Variants in ZNF283 observed in about 807,000 individuals in gnomAD.
ZNF283 encodes the protein zinc finger protein 41.
ZNF283 carries 10 observed loss-of-function variants against 9.2 expected under a neutral mutation model. The observed-to-expected ratio is 1.09, with a 90% CI of 0.67 to 1.85. The LOEUF is 1.85. ZNF283 is among the 40% of genes most tolerant of loss of function. The pLI, the probability that ZNF283 is intolerant of heterozygous loss-of-function variation, is 0.00. For synonymous variants in ZNF283, 234 were observed against 244.1 expected (o/e 0.96, Z 0.38); for missense variants, 631 against 760.1 (o/e 0.83, Z 2.00).
At chr19:43,833,126 C>T (rs141151402) in intron 3 of ZNF283, among the ~76,000 whole-genome samples, 268 of 151,694 alleles carry the variant, frequency 1.8e-3, no homozygotes, top group Non-Finnish European at 3.2e-3. Context: ...ATGGTAGACA[C>T]TGTTCTCACC....
intron 2 of ZNF283, 125 bp downstream of exon 2, chr19:43,828,406 C>T (rs970229297): frequency 3.3e-5 from 5 of 152,130 alleles, no homozygotes; most frequent in East Asian, 1.9e-4. Flanking sequence ...TTACATGACC[C>T]GCCATGCTGG....
chr19:43,845,270 C>A (rs966047892), intron 6 of ZNF283, among the ~76,000 whole-genome samples: 1 of 152,062 alleles, frequency 6.6e-6, no homozygotes, highest in Admixed American at 6.6e-5. Flanking sequence ...GTCAAAGAAA[C>A]CTGATTGTTT....
At chr19:43,835,948 C>T (rs1970961267) in intron 5 of ZNF283, among the ~76,000 whole-genome samples, 2 of 152,170 alleles carry the variant, frequency 1.3e-5, no homozygotes, top group African/African-American at 4.8e-5. Context: ...ACATTTGTGT[C>T]ATGTGCAATA....
At chr19:43,833,174 G>C (rs1320117686) in intron 3 of ZNF283, among the ~76,000 whole-genome samples, 2 of 152,006 alleles carry the variant, frequency 1.3e-5, no homozygotes, top group East Asian at 3.9e-4. Context: ...TTGAGAAATG[G>C]ATAACTATCA....
chr19:43,828,780 C>G (rs1486942903), intron 2 of ZNF283, among the ~76,000 whole-genome samples: 1 of 152,118 alleles, frequency 6.6e-6, no homozygotes, highest in Non-Finnish European at 1.5e-5. Context: ...CTTGGCGTCC[C>G]AAAGTGCTGG....
chr19:43,846,908 TA>T, intron 6 of ZNF283, 30 bp from the exon 7 acceptor site: 1 of 1,220,444 alleles, frequency 8.2e-7, no homozygotes, highest in Non-Finnish European at 1.1e-6. Context: ...GTGAAGGAAA[TA>T]AAATGTGTGG....
intron 3 of ZNF283, among the ~76,000 whole-genome samples, chr19:43,831,768 C>T (rs1970719861): frequency 6.6e-6 from 1 of 152,154 alleles, no homozygotes; most frequent in Non-Finnish European, 1.5e-5. Context: ...GCTGGGACCA[C>T]AGGTGTGTGC....
chr19:43,834,736 C>T (rs1970885274), intron 4 of ZNF283, among the ~76,000 whole-genome samples: 1 of 152,004 alleles, frequency 6.6e-6, no homozygotes, highest in South Asian at 2.1e-4. Context: ...GCTGGGACTA[C>T]AGGCGCCTGC....
Position 43,838,500 on chromosome 19 carries a change from G to A in ZNF283, c.337+1321G>A, listed in dbSNP as rs552221547. On this transcript the variant is annotated intron_variant, in intron 6 of 6. Coordinates refer to ENST00000618787, the MANE Select transcript of ZNF283 (RefSeq NM_181845.2). Reference sequence around the variant, plus strand: ...AATATTTGCTGGGCTGTGGTGGTGCGCTCCTTTAGTCCCAGCAACTGGGGA... The same window carrying A: ...AATATTTGCTGGGCTGTGGTGGTGCACTCCTTTAGTCCCAGCAACTGGGGA... Among the ~76,000 whole-genome samples, 9 of 151,958 alleles carry A rather than the reference G, an allele frequency of 5.9e-5. No individual in the cohort carries two copies. In the South Asian group the frequency reaches 6.2e-4, roughly 11 times the overall value.
In ZNF283 at chr19:43,848,667, T is replaced by C. The variant is rs201138583; in HGVS notation, c.*26T>C. 6.6e-7 allele frequency: 1 copy of C among 1,520,714 alleles called. No homozygotes were observed. Among genetic ancestry groups the C allele is most frequent in the East Asian group, 2.3e-5 (1 of 44,092 alleles). 94.2% of individuals were successfully genotyped at this position (1,520,714 alleles called of 1,614,324 possible). A position where few individuals can be genotyped will look rare whatever the true frequency, so the allele number is the denominator to read the frequency against. On this transcript the variant is annotated 3_prime_UTR_variant, in exon 7 of 7. Coordinates refer to ENST00000618787, the MANE Select transcript of ZNF283 (RefSeq NM_181845.2). ...TTGAAAGTTGTAAAAGAATATTTTG[T>C]GTGTGTGTATAGACAACTTATCATA... is the stretch of plus-strand genomic sequence containing the variant.
chr19:43,834,909 A>T (rs1970896224), intron 4 of ZNF283, among the ~76,000 whole-genome samples: 1 of 152,094 alleles, frequency 6.6e-6, no homozygotes, highest in South Asian at 2.1e-4. Context: ...CTTTCTTGAG[A>T]TGTATAACTT....
At chr19:43,832,581 T>A (rs1020405994) in intron 3 of ZNF283, among the ~76,000 whole-genome samples, 1 of 152,256 alleles carries the variant, frequency 6.6e-6, no homozygotes, top group South Asian at 2.1e-4. Flanking sequence ...AGACTCAAGG[T>A]TGACCTGTGA....
chr19:43,844,782 T>G (rs189685182), intron 6 of ZNF283, among the ~76,000 whole-genome samples: 117 of 152,266 alleles, frequency 7.7e-4, no homozygotes, highest in African/African-American at 2.7e-3. Context: ...GTCAGTAGAT[T>G]TGAGTTTGGA....
At position 43,847,352 on chromosome 19, in the gene ZNF283, A is replaced by C. The variant is rs750887300; in HGVS notation, c.751A>C (p.Asn251His). 4 of 1,614,022 alleles carry C rather than the reference A, an allele frequency of 2.5e-6. No homozygotes were observed. The African/African-American group carries it at 5.3e-5, about 22-fold the overall frequency. The change falls in exon 7 of 7, where the codon AAT (asparagine) becomes CAT (histidine). Residue 251 changes from asparagine (N) to histidine (H), a missense_variant. Coordinates refer to ENST00000618787, the MANE Select transcript of ZNF283 (RefSeq NM_181845.2). ...GKNYLSAYQL[N>H]VHQRFHTGEK... Reference sequence around the variant, plus strand: ...GAATTATTTAAGTGCCTATCAACTCAATGTGCATCAGAGATTTCATACTGG... The same window carrying C: ...GAATTATTTAAGTGCCTATCAACTCCATGTGCATCAGAGATTTCATACTGG...
In ZNF283 at chr19:43,847,497, C is replaced by G. The variant is rs1971450568; in HGVS notation, c.896C>G (p.Ala299Gly). The change falls in exon 7 of 7, where the codon GCC becomes GGC. Residue 299 changes from alanine (A) to glycine (G), a missense_variant. By Grantham distance (60) the Ala-to-Gly change is moderately conservative. This residue lies in a region of ZNF283 where 444 missense variants were observed against 522.5 expected (regional missense o/e 0.85). Transcript: ENST00000618787. ...KPYECKECGK[A>G]FSRGYHLTQH... ...TATGAATGTAAAGAATGTGGGAAGG[C>G]CTTTAGTCGTGGCTATCACCTTACC... 1.9e-6 allele frequency: 3 copies of G among 1,613,104 alleles called. No individual in the cohort carries two copies. The highest frequency in any genetic ancestry group is 1.7e-5 in the Admixed American group (1 of 59,878).
In ZNF283 at chr19:43,848,211, A is replaced by C. The variant is rs1971495997; in HGVS notation, c.1610A>C (p.His537Pro). ...GSSLVQHERI[H>P]TGEKPYECKE... The stretch of plus-strand genomic sequence containing the variant: ...AGCCTTGTTCAACATGAAAGAATCC[A>C]TACAGGGGAGAAACCCTATGAATGT... The change falls in exon 7 of 7, where the codon CAT (histidine) becomes CCT (proline). Residue 537 changes from histidine to proline, a missense_variant. His to Pro is a moderately conservative substitution (Grantham distance 77). Around this residue, in one of 3 missense-constraint regions of ZNF283, gnomAD observed 444 missense variants for 522.5 expected, o/e 0.85. Coordinates refer to ENST00000618787, the MANE Select transcript of ZNF283 (RefSeq NM_181845.2). The C allele has an allele frequency of 1.9e-6, 3 of 1,613,960 alleles. No homozygotes were observed. The highest frequency in any genetic ancestry group is 2.5e-6 in the Non-Finnish European group (3 of 1,179,948).
intron 6 of ZNF283, among the ~76,000 whole-genome samples, chr19:43,842,291 C>G (rs1994416): frequency 0.4 from 61,484 of 151,900 alleles, 12,867 homozygotes; most frequent in South Asian, 0.55. Context: ...TTCATTCCAC[C>G]TACATTTTAT....
chr19:43,831,388 G>T lies in ZNF283; in HGVS notation c.-1+7G>T. The T allele has an allele frequency of 6.3e-7, 1 of 1,592,590 alleles. No homozygotes were observed. The highest frequency in any genetic ancestry group is 8.5e-7 in the Non-Finnish European group (1 of 1,176,922). ...ACAGGATGTTCGAGAGCTGGTAGGT[G>T]TAAATTGTTTCAGGCCCACTGATTT... On this transcript the variant is annotated splice_region_variant and intron_variant, in intron 3 of 6. Transcript: ENST00000618787.
chr19:43,848,145 A>C lies in ZNF283; in HGVS notation c.1544A>C (p.Tyr515Ser). Residue 515 changes from tyrosine to serine, a missense_variant, in exon 7 of 7, where the codon TAT (tyrosine) becomes TCT (serine). Tyr to Ser is a moderately radical substitution (Grantham distance 144). Around this residue, in one of 3 missense-constraint regions of ZNF283, gnomAD observed 444 missense variants for 522.5 expected, o/e 0.85. Coordinates refer to ENST00000618787, the MANE Select transcript of ZNF283 (RefSeq NM_181845.2). ...GTATTTCACACTGGTGAGAAACCCT[A>C]TGAATGTAAGGAATGTGGGAAGGCT... ...HQVFHTGEKPYECKECGKAFN... is the reference protein window; with the variant it reads ...HQVFHTGEKPSECKECGKAFN... 6.2e-7 allele frequency: 1 copy of C among 1,613,758 alleles called. No individual in the cohort carries two copies. The highest frequency in any genetic ancestry group is 1.1e-5 in the South Asian group (1 of 91,056).
Sources: allele counts gnomAD v4.1 joint callset (sites outside exome capture counted in the v4.1 genomes callset), GRCh38; gene constraint gnomAD v4.1.1; regional missense constraint gnomAD v4.1.1; transcripts MANE v1.5; gene names NCBI Gene and HGNC (gene_info 2026-07-23, HGNC 2026-07-21).